Variants in CNST observed in about 807,000 individuals in gnomAD.
CNST encodes consortin.
In CNST, 39 loss-of-function variants were observed where a neutral mutation model predicts 72.4. The observed-to-expected ratio is 0.54, with a 90% CI of 0.42 to 0.70. The LOEUF is 0.70. CNST is among the 30% of genes least tolerant of loss of function. The pLI, the probability that CNST is intolerant of heterozygous loss-of-function variation, is 0.00. For synonymous variants in CNST, 332 were observed against 320.1 expected (o/e 1.04, Z -0.40); for missense variants, 871 against 868.5 (o/e 1.00, Z -0.04).
At chr1:246,587,523 T>A (rs1047390468) in intron 1 of CNST, among the ~76,000 whole-genome samples, 2 of 152,246 alleles carry the variant, frequency 1.3e-5, no homozygotes, top group African/African-American at 4.8e-5. Context: ...TCTTAGATTC[T>A]GTTGGTTGTG....
chr1:246,567,088 G>T (rs761388024), intron 1 of CNST, among the ~76,000 whole-genome samples: 1 of 147,572 alleles, frequency 6.8e-6, no homozygotes, highest in Non-Finnish European at 1.5e-5. Flanking sequence ...CAAGAACCGC[G>T]TGGTGTCTCC....
At chr1:246,584,314 A>T (rs755760429) in intron 1 of CNST, among the ~76,000 whole-genome samples, 9 of 152,222 alleles carry the variant, frequency 5.9e-5, no homozygotes, top group Admixed American at 1.3e-4. Flanking sequence ...AAATTCACTT[A>T]TATAAGTCAA....
chr1:246,635,042 C>T (rs1665091059), intron 6 of CNST, among the ~76,000 whole-genome samples: 1 of 152,128 alleles, frequency 6.6e-6, no homozygotes. Flanking sequence ...GTGCAAGTGG[C>T]CTCGCGCCTT....
chr1:246,604,232 C>T (rs1048813221), intron 2 of CNST, among the ~76,000 whole-genome samples: 2 of 150,480 alleles, frequency 1.3e-5, no homozygotes, highest in African/African-American at 4.9e-5. Flanking sequence ...CCAGCCTGGG[C>T]GAAGACGCAA....
intron 6 of CNST, among the ~76,000 whole-genome samples, chr1:246,639,063 C>G (rs1665502300): frequency 6.6e-6 from 1 of 152,062 alleles, no homozygotes. Flanking sequence ...CAGCTGCCAC[C>G]AGTGCTTGGA....
intron 3 of CNST, among the ~76,000 whole-genome samples, chr1:246,626,243 G>T (rs952450010): frequency 6.6e-6 from 1 of 151,860 alleles, no homozygotes; most frequent in Non-Finnish European, 1.5e-5. Flanking sequence ...TAGAGACGGG[G>T]TTTCACCATG....
At chr1:246,663,570 A>G (rs1667229663) in intron 10 of CNST, among the ~76,000 whole-genome samples, 1 of 152,030 alleles carries the variant, frequency 6.6e-6, no homozygotes, top group Admixed American at 6.6e-5. Context: ...GTGAAACCCC[A>G]TCTCTATAAC....
In CNST at chr1:246,651,872, C is replaced by A. The variant is rs141390066; in HGVS notation, c.1836+3835C>A. Among the ~76,000 whole-genome samples the A allele has an allele frequency of 8.9e-3, 1,355 of 152,144 alleles. 8 individuals are homozygous for A. The highest frequency in any genetic ancestry group is 0.015 in the Non-Finnish European group (997 of 68,002). On this transcript the variant is annotated intron_variant, in intron 9 of 10. Transcript: ENST00000366513. The stretch of plus-strand genomic sequence containing the variant: ...AAATGATCACATGTGCATTGTCAGA[C>A]AACACATTGGAAAGATTTACTCGTT...
chr1:246,622,277 C>T (rs1664143849), intron 3 of CNST, among the ~76,000 whole-genome samples: 1 of 152,166 alleles, frequency 6.6e-6, no homozygotes, highest in Admixed American at 6.6e-5. Context: ...GCAGAATATG[C>T]CCGTAAGAGA....
Position 246,647,242 on chromosome 1 carries a change from T to G in CNST, c.1041T>G (p.Asp347Glu). 1.2e-6 allele frequency: 2 copies of G among 1,614,086 alleles called. No homozygotes were observed. Among genetic ancestry groups the G allele is most frequent in the Non-Finnish European group, 1.7e-6 (2 of 1,180,016 alleles). ...PCCHQMDVQT[D>E]SPSLSVTAGK... ...GTCATCAGATGGACGTGCAAACAGA[T>G]TCCCCAAGCCTTTCGGTAACTGCAG... Residue 347 changes from aspartate to glutamate, a missense_variant, in exon 9 of 11, where the codon GAT (aspartate) becomes GAG (glutamate). Asp to Glu is a conservative substitution (Grantham distance 45, BLOSUM62 2). Transcript: ENST00000366513.
At chr1:246,573,995 A>G (rs938548459) in intron 1 of CNST, among the ~76,000 whole-genome samples, 8 of 152,206 alleles carry the variant, frequency 5.3e-5, no homozygotes, top group African/African-American at 1.2e-4. Flanking sequence ...AGAAGTACAC[A>G]TCTTTGCCTC....
intron 9 of CNST, among the ~76,000 whole-genome samples, chr1:246,649,107 T>A (rs1323016011): frequency 1.3e-5 from 2 of 151,952 alleles, no homozygotes; most frequent in Non-Finnish European, 2.9e-5. Flanking sequence ...TCTCTTATTT[T>A]AACCAGACAG....
In CNST at chr1:246,665,905, G is replaced by A. The variant is rs1055874459; in HGVS notation, c.2178G>A (p.Ter726=). ...AELKHWIYLS[*] is the part of the protein sequence containing the mutation. Reference sequence around the variant, plus strand: ...TGAAGCACTGGATCTACCTCTCCTAGCAGCATTCCAGACACAGACATGCTG... The same window carrying A: ...TGAAGCACTGGATCTACCTCTCCTAACAGCATTCCAGACACAGACATGCTG... The change falls in exon 11 of 11, where the codon TAG becomes TAA. Residue 726 remains the stop codon, a stop_retained_variant. Transcript: ENST00000366513. 9 of 1,602,546 alleles carry A rather than the reference G, an allele frequency of 5.6e-6. No homozygotes were observed. The highest frequency in any genetic ancestry group is 6.8e-6 in the Non-Finnish European group (8 of 1,170,512).
rs759392092 is a variant in CNST at position 246,647,713 on chromosome 1, C to T, written c.1512C>T (p.Asp504=). ...GKSPQAQADS[D]GSENVLCGNN... ...CACCACAGGCGCAGGCTGACTCAGA[C>T]GGTTCTGAGAATGTGCTCTGTGGAA... Residue 504 remains aspartate, a synonymous_variant, in exon 9 of 11, where the codon GAC becomes GAT. Transcript: ENST00000366513. 1.7e-5 allele frequency: 28 copies of T among 1,613,978 alleles called. 1 individual carries two copies. Among genetic ancestry groups the T allele is most frequent in the South Asian group, 6.6e-5 (6 of 91,080 alleles).
chr1:246,604,245 C>T (rs1478353886), intron 2 of CNST, among the ~76,000 whole-genome samples: 2 of 151,104 alleles, frequency 1.3e-5, no homozygotes, highest in Non-Finnish European at 2.9e-5. Flanking sequence ...AGACGCAAGA[C>T]TCCATCTCAA....
chr1:246,633,902 T>A (rs760303242), intron 4 of CNST, 22 bp from the exon 5 acceptor site: 1 of 1,504,186 alleles, frequency 6.6e-7, no homozygotes, highest in East Asian at 2.3e-5. Flanking sequence ...GGATTTCTAT[T>A]TTCCTTAAAT....
chr1:246,627,108 T>C (rs553412616), intron 3 of CNST, among the ~76,000 whole-genome samples: 1 of 152,340 alleles, frequency 6.6e-6, no homozygotes, highest in Admixed American at 6.5e-5. Context: ...TTTCTCACTA[T>C]AGAGACTTTT....
At chr1:246,611,853 A>G (rs1663336461) in intron 2 of CNST, among the ~76,000 whole-genome samples, 2 of 152,244 alleles carry the variant, frequency 1.3e-5, no homozygotes, top group Non-Finnish European at 2.9e-5. Flanking sequence ...TGATGAATGG[A>G]TAAACAAGAT....
intron 10 of CNST, among the ~76,000 whole-genome samples, chr1:246,662,745 G>A (rs1260938588): frequency 6.6e-6 from 1 of 152,124 alleles, no homozygotes; most frequent in Non-Finnish European, 1.5e-5. Flanking sequence ...ATTTCAAAAT[G>A]TGATCTATAT....
Sources: allele counts gnomAD v4.1 joint callset (sites outside exome capture counted in the v4.1 genomes callset), GRCh38; gene constraint gnomAD v4.1.1; transcripts MANE v1.5; gene names NCBI Gene and HGNC (gene_info 2026-07-23, HGNC 2026-07-21).